CEP295: variants seen among roughly 807,000 people sequenced by gnomAD.
CEP295 encodes centrosomal protein 295.
Under a neutral mutation model 291.6 loss-of-function variants are expected in CEP295, and 190 were observed. That is an observed-to-expected ratio of 0.65 (90% CI 0.58 to 0.73). The LOEUF (loss-of-function observed/expected upper bound fraction) is 0.73, where lower values mean the gene tolerates loss of function less well. Ranked by LOEUF, CEP295 falls within the 30% of genes least tolerant of loss-of-function variation. The pLI, the probability that CEP295 is intolerant of heterozygous loss-of-function variation, is 0.00. For synonymous variants in CEP295, 993 were observed against 1,038.8 expected, an observed-to-expected ratio of 0.96 and a Z score of 0.85; for missense variants, 2,863 against 2,949.4, an observed-to-expected ratio of 0.97 and a Z score of 0.68.
intron 6 of CEP295, among the ~76,000 whole-genome samples, chr11:93,678,694 G>A (rs1036506576): frequency 6.6e-6 from 1 of 152,050 alleles, no homozygotes; most frequent in Non-Finnish European, 1.5e-5. Flanking sequence ...TTGGGAGGCC[G>A]AGATGGGAGG....
intron 18 of CEP295, among the ~76,000 whole-genome samples, chr11:93,710,413 T>C (rs1328736994): frequency 1.3e-5 from 2 of 152,246 alleles, no homozygotes; most frequent in African/African-American, 2.4e-5. Flanking sequence ...ATTCTGTTGA[T>C]AGGATGTATC....
rs185586990 is a variant in CEP295 at position 93,714,166 on chromosome 11, T to C, written c.5750-7146T>C. 4.2e-3 allele frequency among the ~76,000 whole-genome samples: 640 copies of C among 152,330 alleles called. 4 individuals are homozygous for C. The highest frequency in any genetic ancestry group is 7.0e-3 in the Non-Finnish European group (474 of 68,030). ...TCAGGGATTGGCCCTTGGTCCCTTATTTAGTTTGGTGAAGTCATGTTTTCC... is the reference window on the plus strand; with the variant it reads ...TCAGGGATTGGCCCTTGGTCCCTTACTTAGTTTGGTGAAGTCATGTTTTCC... On this transcript the variant is annotated intron_variant, in intron 18 of 29. Transcript: ENST00000325212.
chr11:93,683,459 A>C (rs1951073150), intron 7 of CEP295, 100 bp from the exon 8 acceptor site: 1 of 786,194 alleles, frequency 1.3e-6, no homozygotes, highest in Middle Eastern at 2.7e-4. Context: ...AGAGGAGAGA[A>C]GCTTAGACCC....
intron 12 of CEP295, among the ~76,000 whole-genome samples, chr11:93,693,114 A>G (rs1951669341): frequency 6.6e-6 from 1 of 151,930 alleles, no homozygotes; most frequent in Non-Finnish European, 1.5e-5. Flanking sequence ...CGTCTCTACT[A>G]AAAATACAAA....
intron 24 of CEP295, chr11:93,727,872 G>A: frequency 5.0e-6 from 2 of 402,638 alleles, no homozygotes; most frequent in South Asian, 1.0e-4. Flanking sequence ...TTGCTATCCA[G>A]CTTGTGATCA....
In CEP295 at chr11:93,730,290, G is replaced by A. The variant is rs772003421; in HGVS notation, c.*21G>A. 4 of 1,507,368 alleles carry A rather than the reference G, an allele frequency of 2.7e-6. No individual in the cohort carries two copies. In the South Asian group the frequency reaches 4.8e-5, roughly 18 times the overall value. The allele number at this position is 1,507,368 out of a possible 1,614,324, so 93.4% of individuals were successfully genotyped here. ...GCTGACTTTCTAGAAATAGTGTAAA[G>A]GTTTTTTAATTGTGTATATGTAGCA... On this transcript the variant is annotated 3_prime_UTR_variant, in exon 30 of 30. Transcript: ENST00000325212.
At chr11:93,684,809 C>G (rs77871610) in intron 9 of CEP295, among the ~76,000 whole-genome samples, 2,857 of 152,278 alleles carry the variant, frequency 0.019, 39 homozygotes, top group Non-Finnish European at 0.028. Flanking sequence ...CATCTTGAAC[C>G]TGGTGCCATC....
intron 15 of CEP295, among the ~76,000 whole-genome samples, chr11:93,701,907 C>G (rs751299517): frequency 1.5e-4 from 23 of 150,922 alleles, no homozygotes; most frequent in South Asian, 4.2e-4. Flanking sequence ...TGGCTGTAGG[C>G]TAAGTTTTTA....
rs1216312065 is a variant in CEP295, at chr11:93,687,667, C to A, written c.1138C>A (p.Gln380Lys). Residue 380 changes from glutamine to lysine, a missense_variant, in exon 10 of 30, where the codon CAG becomes AAG. Coordinates refer to ENST00000325212, the MANE Select transcript of CEP295 (RefSeq NM_033395.2). ...AGTTCCCTTGGTAATGAAGACCCAA[C>A]AGATTCCTTCAAAAGTTCTTTTTAA... ...TDVPLVMKTQ[Q>K]IPSKVLFKKL... The A allele has an allele frequency of 1.7e-5, 26 of 1,532,444 alleles. No homozygotes were observed. Among genetic ancestry groups the A allele is most frequent in the Non-Finnish European group, 2.2e-5 (25 of 1,133,272 alleles). The allele number at this position is 1,532,444 out of a possible 1,614,324, so 94.9% of individuals were successfully genotyped here. A position where few individuals can be genotyped will look rare whatever the true frequency, so the allele number is the denominator to read the frequency against.
chr11:93,701,948 G>T (rs752507614), intron 15 of CEP295, among the ~76,000 whole-genome samples: 10 of 150,894 alleles, frequency 6.6e-5, no homozygotes, highest in Non-Finnish European at 1.3e-4. Flanking sequence ...TGTTGTTTTT[G>T]TTGTTGTTGT....
At position 93,697,294 on chromosome 11, in the gene CEP295, T is replaced by A; in HGVS notation, c.2382T>A (p.Ser794=). 1 of 1,551,798 alleles carries A rather than the reference T, an allele frequency of 6.4e-7. No individual in the cohort carries two copies. Among genetic ancestry groups the A allele is most frequent in the Non-Finnish European group, 8.7e-7 (1 of 1,147,018 alleles). Reference sequence around the variant, plus strand: ...TTGTACCACTGGTACCTCAGCATTCTTTTAGTTCTCTGCCTGTTAAAGTTG... The same window carrying A: ...TTGTACCACTGGTACCTCAGCATTCATTTAGTTCTCTGCCTGTTAAAGTTG... ...SSFVPLVPQH[S]FSSLPVKVES... Residue 794 remains serine, a synonymous_variant, in exon 15 of 30, where the codon TCT becomes TCA. Transcript: ENST00000325212.
chr11:93,697,111 T>A lies in CEP295; in HGVS notation c.2199T>A (p.Leu733=), dbSNP rs1193508496. The A allele has an allele frequency of 1.9e-6, 3 of 1,551,756 alleles. No individual in the cohort carries two copies. The highest frequency in any genetic ancestry group is 2.6e-6 in the Non-Finnish European group (3 of 1,147,008). ...YKLVPKDSET[L]SRALSHDRQL... is the part of the protein sequence containing the mutation. Reference sequence around the variant, plus strand: ...TGGTCCCCAAAGATTCTGAGACACTTTCAAGGGCTTTGTCACATGACAGGC... The same window carrying A: ...TGGTCCCCAAAGATTCTGAGACACTATCAAGGGCTTTGTCACATGACAGGC... Residue 733 remains leucine (L), a synonymous_variant, in exon 15 of 30, where the codon CTT becomes CTA. Coordinates refer to ENST00000325212, the MANE Select transcript of CEP295 (RefSeq NM_033395.2).
chr11:93,691,663 A>G lies in CEP295; in HGVS notation c.1337-20A>G, dbSNP rs948674788. ...ACAATGATTATATATTCAAAATAACAGTGGTATTATCTATTACAGTTGTTG... is the reference window on the plus strand; with the variant it reads ...ACAATGATTATATATTCAAAATAACGGTGGTATTATCTATTACAGTTGTTG... On this transcript the variant is annotated intron_variant, in intron 10 of 29. Transcript: ENST00000325212. 2 of 1,401,332 alleles carry G rather than the reference A, an allele frequency of 1.4e-6. No homozygotes were observed. The highest frequency in any genetic ancestry group is 2.9e-5 in the African/African-American group (2 of 69,668). 86.8% of individuals were successfully genotyped at this position (1,401,332 alleles called of 1,614,324 possible).
At chr11:93,729,000 T>C (rs1294932373) in intron 25 of CEP295, 179 bp downstream of exon 25, 10 of 564,808 alleles carry the variant, frequency 1.8e-5, no homozygotes. Flanking sequence ...CATTGTGCAT[T>C]TTCTTTTAAT....
intron 18 of CEP295, among the ~76,000 whole-genome samples, chr11:93,713,259 T>A (rs1953031480): frequency 6.6e-6 from 1 of 152,244 alleles, no homozygotes; most frequent in Non-Finnish European, 1.5e-5. Flanking sequence ...TTTTATAATA[T>A]TCTGTGTATT....
At chr11:93,708,132 G>A (rs369397762) in intron 18 of CEP295, among the ~76,000 whole-genome samples, 11 of 152,144 alleles carry the variant, frequency 7.2e-5, no homozygotes, top group Middle Eastern at 6.8e-3. Flanking sequence ...TCACATCATG[G>A]TAAATGGGGT....
intron 1 of CEP295, among the ~76,000 whole-genome samples, chr11:93,664,409 G>C (rs1565423061): frequency 1.3e-5 from 2 of 152,304 alleles, no homozygotes; most frequent in Middle Eastern, 3.4e-3. Context: ...TAACCCAAGA[G>C]GCCTTGTTTC....
chr11:93,725,667 C>G lies in CEP295; in HGVS notation c.6335C>G (p.Ser2112Cys). 6.5e-7 allele frequency: 1 copy of G among 1,540,764 alleles called. No homozygotes were observed. Among genetic ancestry groups the G allele is most frequent in the Non-Finnish European group, 8.7e-7 (1 of 1,144,116 alleles). ...TCCTGCCAGAGATCAGATTCTTCAT[C>G]TGAAAGCCACTGTGCTACTGGATTA... ...RDFYQRSDSS[S>C]ESHCATGLSK... The change falls in exon 23 of 30, where the codon TCT (serine) becomes TGT (cysteine). Residue 2112 changes from serine to cysteine, a missense_variant. Physicochemically the swap from Ser to Cys is moderately radical, Grantham distance 112. Around this residue, in one of 3 missense-constraint regions of CEP295, gnomAD observed 2,295 missense variants for 2,335.7 expected, o/e 0.98. Transcript: ENST00000325212.
chr11:93,662,451 G>A (rs1287875536), intron 1 of CEP295, among the ~76,000 whole-genome samples: 1 of 152,154 alleles, frequency 6.6e-6, no homozygotes, highest in Non-Finnish European at 1.5e-5. Flanking sequence ...GATCTTCCAA[G>A]TTTAGTGTTA....
Sources: gnomAD v4.1 joint callset for allele counts (sites outside exome capture counted in the v4.1 genomes callset) on GRCh38, gnomAD v4.1.1 for gene constraint, gnomAD v4.1.1 regional missense constraint, MANE v1.5 for transcripts, NCBI Gene and HGNC (gene_info 2026-07-23, HGNC 2026-07-21) for gene names.